The following USH2A variants were observed in gnomAD, a reference collection of about 807,000 sequenced individuals.
USH2A encodes the protein Usher syndrome 2A (autosomal recessive, mild).
Under a neutral mutation model 538.9 loss-of-function variants are expected in USH2A, and 443 were observed. The observed-to-expected ratio is 0.82, with a 90% CI of 0.76 to 0.89. The LOEUF (loss-of-function observed/expected upper bound fraction) is 0.89. Among genes scored for constraint, USH2A ranks in the 40% least tolerant of loss-of-function variants. The pLI is 0.00. For synonymous variants in USH2A, 2,413 were observed against 2,273.5 expected (o/e 1.06, Z -1.75); for missense variants, 6,633 against 6,324.8 (o/e 1.05, Z -1.65).
At chr1:215,898,045 C>T (rs565383474) in intron 40 of USH2A, among the ~76,000 whole-genome samples, 5 of 152,272 alleles carry the variant, frequency 3.3e-5, no homozygotes, top group African/African-American at 1.2e-4. Flanking sequence ...ATATACAGTA[C>T]CCTGTCACCA....
At chr1:215,721,034 A>G (rs910788913) in intron 61 of USH2A, among the ~76,000 whole-genome samples, 7 of 152,110 alleles carry the variant, frequency 4.6e-5, no homozygotes, top group Non-Finnish European at 1.0e-4. Flanking sequence ...GCAGATCCTT[A>G]AGCACATATC....
intron 37 of USH2A, among the ~76,000 whole-genome samples, chr1:215,963,754 T>C (rs1343860943): frequency 6.6e-6 from 1 of 152,136 alleles, no homozygotes; most frequent in Non-Finnish European, 1.5e-5. Flanking sequence ...ACCCCTGTCA[T>C]GTGTAATAGC....
At chr1:215,656,806 A>T (rs529323659) in intron 64 of USH2A, among the ~76,000 whole-genome samples, 1 of 152,364 alleles carries the variant, frequency 6.6e-6, no homozygotes, top group East Asian at 1.9e-4. Flanking sequence ...AATTTATATC[A>T]AGAAGCTCTA....
intron 35 of USH2A, among the ~76,000 whole-genome samples, chr1:215,978,741 T>C (rs1387063834): frequency 6.6e-6 from 1 of 152,162 alleles, no homozygotes; most frequent in Non-Finnish European, 1.5e-5. Flanking sequence ...AAAGAAGTGT[T>C]ACAGGCTTTT....
At chr1:215,816,281 C>T (rs1662856296) in intron 48 of USH2A, among the ~76,000 whole-genome samples, 2 of 151,996 alleles carry the variant, frequency 1.3e-5, no homozygotes, top group African/African-American at 4.8e-5. Flanking sequence ...CAGTTAGTAA[C>T]TGCTGGCTTT....
rs747891004 is a variant in USH2A, at chr1:216,097,168, ACAAT to A, written c.4669_4672del (p.Ile1557SerfsTer17). The stretch of plus-strand genomic sequence containing the variant: ...CTGATTGCCAGGTGATGCTGCAAAG[ACAAT>A]CAAACCTTCAGGCACTTTTGTTCGA... On this transcript the variant is annotated frameshift_variant, in exon 22 of 72. Transcript: ENST00000307340. LOFTEE classifies it high-confidence loss of function. 3.7e-6 allele frequency: 6 copies of A among 1,614,198 alleles called. No homozygotes were observed. In the Admixed American group the frequency reaches 1.0e-4, roughly 27 times the overall value.
At chr1:215,994,668 T>C (rs1364206824) in intron 34 of USH2A, among the ~76,000 whole-genome samples, 2 of 152,074 alleles carry the variant, frequency 1.3e-5, no homozygotes, top group South Asian at 2.1e-4. Flanking sequence ...TTCTCAGCTG[T>C]GGCATGTGCC....
intron 47 of USH2A, among the ~76,000 whole-genome samples, chr1:215,836,729 T>G (rs150295090): frequency 0.015 from 2,133 of 145,598 alleles, 63 homozygotes; most frequent in African/African-American, 0.052. Flanking sequence ...GCTAATTTTT[T>G]GTATTTTTAG....
chr1:216,373,605 C>CA (rs1406861238), intron 3 of USH2A, among the ~76,000 whole-genome samples: 1 of 152,102 alleles, frequency 6.6e-6, no homozygotes, highest in Non-Finnish European at 1.5e-5. Flanking sequence ...GTATTTGCTA[C>CA]AAAAAGACAT....
At chr1:216,266,847 T>C (rs548823481) in intron 11 of USH2A, among the ~76,000 whole-genome samples, 162 of 152,136 alleles carry the variant, frequency 1.1e-3, no homozygotes, top group African/African-American at 3.5e-3. Flanking sequence ...TGAAAGACTA[T>C]GGATATTTTT....
chr1:215,644,562 A>G (rs1656787996), intron 67 of USH2A, among the ~76,000 whole-genome samples: 1 of 152,200 alleles, frequency 6.6e-6, no homozygotes, highest in Non-Finnish European at 1.5e-5. Flanking sequence ...AAATCCAAAG[A>G]AGTAGAGGAG....
At chr1:215,994,677 C>T (rs1167551647) in intron 34 of USH2A, among the ~76,000 whole-genome samples, 3 of 152,026 alleles carry the variant, frequency 2.0e-5, no homozygotes, top group Admixed American at 2.0e-4. Context: ...GTGGCATGTG[C>T]CTTTCTGTGC....
chr1:215,764,769 C>T (rs1661079530), intron 56 of USH2A, among the ~76,000 whole-genome samples: 1 of 152,064 alleles, frequency 6.6e-6, no homozygotes, highest in Non-Finnish European at 1.5e-5. Context: ...TTTCACTTTA[C>T]AGTAAAACAA....
intron 38 of USH2A, among the ~76,000 whole-genome samples, chr1:215,908,235 T>C (rs976967009): frequency 1.3e-5 from 2 of 152,052 alleles, no homozygotes; most frequent in South Asian, 2.1e-4. Flanking sequence ...CAAAACCCCA[T>C]TAAATTTTAA....
chr1:216,258,276 C>T (rs1044398474), intron 11 of USH2A, among the ~76,000 whole-genome samples: 1 of 152,092 alleles, frequency 6.6e-6, no homozygotes, highest in South Asian at 2.1e-4. Flanking sequence ...CTATTCTCCA[C>T]TGTTGAGGCT....
At chr1:216,210,037 C>T (rs1278025837) in intron 15 of USH2A, among the ~76,000 whole-genome samples, 2 of 152,128 alleles carry the variant, frequency 1.3e-5, no homozygotes, top group Non-Finnish European at 2.9e-5. Flanking sequence ...ATGAGACCCT[C>T]ATTTTAGAAG....
At chr1:216,071,617 A>C (rs541207591) in intron 29 of USH2A, among the ~76,000 whole-genome samples, 2 of 152,338 alleles carry the variant, frequency 1.3e-5, no homozygotes, top group South Asian at 4.1e-4. Flanking sequence ...TCATTGCTAT[A>C]AATTCAGAGC....
chr1:216,250,915 C>T lies in USH2A; in HGVS notation c.2155G>A (p.Ala719Thr), dbSNP rs1407269297. The change falls in exon 12 of 72, where the codon GCA (alanine) becomes ACA (threonine). Residue 719 changes from alanine to threonine, a missense_variant. Transcript: ENST00000307340. Reference protein sequence around the residue: ...HQNSGQCKCKANVIGLRCDHC... With the variant: ...HQNSGQCKCKTNVIGLRCDHC... ...GCGTTACACGTACCAATAACGTTTG[C>T]TTTGCACTTGCACTGGCCTGAATTT... 6.2e-7 allele frequency: 1 copy of T among 1,613,920 alleles called. No homozygotes were observed. Among genetic ancestry groups the T allele is most frequent in the Non-Finnish European group, 8.5e-7 (1 of 1,179,958 alleles).
intron 5 of USH2A, among the ~76,000 whole-genome samples, chr1:216,326,566 T>C (rs1022277031): frequency 1.3e-5 from 2 of 152,180 alleles, no homozygotes; most frequent in East Asian, 1.9e-4. Context: ...ACTACAACAT[T>C]GCCCTTCAGC....
Sources: allele counts gnomAD v4.1 joint callset (sites outside exome capture counted in the v4.1 genomes callset), GRCh38; gene constraint gnomAD v4.1.1; transcripts MANE v1.5; gene names NCBI Gene and HGNC (gene_info 2026-07-23, HGNC 2026-07-21).